Variants in KDELR1 observed in about 807,000 individuals in gnomAD.
The protein encoded by KDELR1 is ER lumen protein-retaining receptor 1.
A neutral mutation model predicts 25.5 loss-of-function variants in KDELR1; 16 were observed. The ratio of observed to expected loss-of-function variants is 0.63; its 90% CI spans 0.43 to 0.95. KDELR1 has a LOEUF of 0.95. Ranked by LOEUF, KDELR1 falls within the 40% of genes least tolerant of loss-of-function variation. The pLI is 0.00. For synonymous variants in KDELR1, 121 were observed against 115.0 expected, an observed-to-expected ratio of 1.05 and a Z score of -0.33; for missense variants, 159 against 265.2, an observed-to-expected ratio of 0.60 and a Z score of 2.78.
upstream of KDELR1, among the ~76,000 whole-genome samples, chr19:48,391,767 A>G (rs1970557497): frequency 6.6e-6 from 1 of 152,126 alleles, no homozygotes; most frequent in Admixed American, 6.5e-5. Context: ...GTGTCTCTGG[A>G]AGAGACGCAG....
intron 1 of KDELR1, 39 bp from the exon 2 acceptor site, chr19:48,390,563 C>CACAGAGAGAGAG (rs1875949823): frequency 2.0e-6 from 2 of 979,594 alleles, no homozygotes; most frequent in Non-Finnish European, 1.5e-6. Flanking sequence ...GAGAGAGAGA[C>CACAGAGAGAGAG]AGAGAGAGAG....
At chr19:48,390,989 C>G (rs1260387202) in intron 1 of KDELR1, 1 of 522,894 alleles carries the variant, frequency 1.9e-6, no homozygotes, top group Non-Finnish European at 3.4e-6. Context: ...TGCCATGGTT[C>G]CCTGTTCCCG....
intron 1 of KDELR1, 130 bp from the exon 2 acceptor site, chr19:48,390,654 G>A: frequency 1.5e-6 from 1 of 665,920 alleles, no homozygotes; most frequent in Non-Finnish European, 2.6e-6. Context: ...ACTAAGGCAG[G>A]GCGCCCGGGA....
In KDELR1 at chr19:48,391,257, G is replaced by C. The variant is rs1205538523; in HGVS notation, c.91+11C>G. On this transcript the variant is annotated intron_variant, in intron 1 of 4. Coordinates refer to ENST00000330720, the MANE Select transcript of KDELR1 (RefSeq NM_006801.3). ...ATCTCTCTCCTTCGCCAGCCCTGGTGGGCCTCTCACCGGCGCACGAGCGGG... is the reference window on the plus strand; with the variant it reads ...ATCTCTCTCCTTCGCCAGCCCTGGTCGGCCTCTCACCGGCGCACGAGCGGG... 2 of 1,551,778 alleles carry C rather than the reference G, an allele frequency of 1.3e-6. No homozygotes were observed. The highest frequency in any genetic ancestry group is 2.7e-5 in the African/African-American group (2 of 73,118).
chr19:48,386,521 C>T lies in KDELR1; in HGVS notation c.352-2039G>A, dbSNP rs986482078. On this transcript the variant is annotated intron_variant, in intron 3 of 4. Transcript: ENST00000330720. ...GGAGTACAGTAGCACGATCTCAGCT[C>T]ACTGCAACCTCTGCTGCCCGGGTTC... Among the ~76,000 whole-genome samples, 9 of 150,198 alleles carry T rather than the reference C, an allele frequency of 6.0e-5. No individual in the cohort carries two copies. The East Asian group carries it at 1.6e-3, about 26-fold the overall frequency.
rs192030448 is a variant in KDELR1 at position 48,382,728 on chromosome 19, C to G, written c.*565G>C. On this transcript the variant is annotated 3_prime_UTR_variant, in exon 5 of 5. Coordinates refer to ENST00000330720, the MANE Select transcript of KDELR1 (RefSeq NM_006801.3). The stretch of plus-strand genomic sequence containing the variant: ...ATTTGCCAAAAAACCAGGAGAAGAC[C>G]AAAAAATTCAAACTCTGGGGAAAAA... The G allele has an allele frequency of 2.2e-3, 344 of 153,088 alleles. 1 individual carries two copies. The highest frequency in any genetic ancestry group is 8.0e-3 in the South Asian group (39 of 4,852). The allele number at this position is 153,088 out of a possible 1,614,324, so 9.5% of individuals were successfully genotyped here.
chr19:48,394,724 G>C (rs1970615556), upstream of KDELR1, among the ~76,000 whole-genome samples: 2 of 152,308 alleles, frequency 1.3e-5, no homozygotes, highest in Non-Finnish European at 1.5e-5. The surrounding 1 kb of genome is among the most constrained non-coding windows in gnomAD (Gnocchi z 5.1). Flanking sequence ...AGACAGGGCA[G>C]GACAGGACCA....
chr19:48,392,694 A>G (rs1029937990), upstream of KDELR1, among the ~76,000 whole-genome samples: 4 of 152,284 alleles, frequency 2.6e-5, no homozygotes, highest in African/African-American at 9.6e-5. Context: ...CAGGAGGCTC[A>G]AGGCCAAAAC....
At chr19:48,386,943 T>C (rs1173791006) in intron 3 of KDELR1, among the ~76,000 whole-genome samples, 2 of 151,598 alleles carry the variant, frequency 1.3e-5, no homozygotes, top group Non-Finnish European at 2.9e-5. Context: ...TGGTGGCTCA[T>C]GCCTGTAATC....
chr19:48,386,732 G>A (rs556327495), intron 3 of KDELR1, among the ~76,000 whole-genome samples: 79 of 152,132 alleles, frequency 5.2e-4, no homozygotes, highest in Admixed American at 1.6e-3. Flanking sequence ...GGATTCAGGC[G>A]TGAGCCACTG....
rs1398429122 is a variant in KDELR1 at position 48,383,255 on chromosome 19, C to T, written c.*38G>A. The stretch of plus-strand genomic sequence containing the variant: ...CATCTTCTGCCGCCTTCCTCTGCCT[C>T]CCGCTGCTGCCGAGGAGAGAGATGG... On this transcript the variant is annotated 3_prime_UTR_variant, in exon 5 of 5. Transcript: ENST00000330720. 1 of 1,549,926 alleles carries T rather than the reference C, an allele frequency of 6.5e-7. No individual in the cohort carries two copies. Among genetic ancestry groups the T allele is most frequent in the Non-Finnish European group, 8.7e-7 (1 of 1,145,414 alleles).
chr19:48,394,079 G>C (rs1374470560), upstream of KDELR1, among the ~76,000 whole-genome samples: 1 of 152,076 alleles, frequency 6.6e-6, no homozygotes, highest in African/African-American at 2.4e-5. This position sits in a 1 kb window ranked among gnomAD's most constrained non-coding sequence, Gnocchi z 5.1. Context: ...TCCTGCCTGC[G>C]TCCGGCCAGG....
chr19:48,389,315 TG>T (rs1410583850), intron 3 of KDELR1, among the ~76,000 whole-genome samples: 2 of 152,128 alleles, frequency 1.3e-5, no homozygotes, highest in Non-Finnish European at 2.9e-5. Context: ...ATCTGTAAAG[TG>T]GGGCTGCTGA....
chr19:48,385,731 G>A (rs917114898), intron 3 of KDELR1, among the ~76,000 whole-genome samples: 3 of 152,204 alleles, frequency 2.0e-5, no homozygotes, highest in African/African-American at 7.2e-5. Context: ...TTTGTGGAAG[G>A]AAGGTGGGGG....
chr19:48,393,166 C>T (rs376649231), upstream of KDELR1, among the ~76,000 whole-genome samples: 81 of 151,220 alleles, frequency 5.4e-4, no homozygotes, highest in African/African-American at 1.7e-3. This position sits in a 1 kb window ranked among gnomAD's most constrained non-coding sequence, Gnocchi z 5.6. Context: ...AAAGAGACTC[C>T]GACTTGGAGG....
rs1040293284 is a variant in KDELR1, at chr19:48,382,913, G to T, written c.*380C>A. On this transcript the variant is annotated 3_prime_UTR_variant, in exon 5 of 5. Coordinates refer to ENST00000330720, the MANE Select transcript of KDELR1 (RefSeq NM_006801.3). Reference sequence around the variant, plus strand: ...TGTTTGGCAACCAGTGGGGCTGGGGGTGGGATCTGGGAGGGAGCCGAGGGG... The same window carrying T: ...TGTTTGGCAACCAGTGGGGCTGGGGTTGGGATCTGGGAGGGAGCCGAGGGG... 3 of 202,028 alleles carry T rather than the reference G, an allele frequency of 1.5e-5. No homozygotes were observed. The highest frequency in any genetic ancestry group is 1.4e-4 in the East Asian group (1 of 7,294). 12.5% of individuals were successfully genotyped at this position (202,028 alleles called of 1,614,324 possible). A position where few individuals can be genotyped will look rare whatever the true frequency, so the allele number is the denominator to read the frequency against.
chr19:48,385,367 C>T (rs1347317675), intron 3 of KDELR1, among the ~76,000 whole-genome samples: 1 of 152,234 alleles, frequency 6.6e-6, no homozygotes, highest in East Asian at 1.9e-4. Context: ...CCCATCTTAT[C>T]TCCTTCCTGG....
At chr19:48,394,195 C>CTGTG (rs1032192539), upstream of KDELR1, among the ~76,000 whole-genome samples, 2 of 148,792 alleles carry the variant, frequency 1.3e-5, no homozygotes, top group Admixed American at 6.6e-5. This position sits in a 1 kb window ranked among gnomAD's most constrained non-coding sequence, Gnocchi z 5.1. Context: ...GTGTGTGTGT[C>CTGTG]TGTGTGTGTG....
At chr19:48,390,777 G>A (rs1970542132) in intron 1 of KDELR1, 1 of 507,388 alleles carries the variant, frequency 2.0e-6, no homozygotes, top group Admixed American at 3.4e-5. Context: ...CCAGGCCCCC[G>A]AAGCTACTCC....
Sources: gnomAD v4.1 joint callset for allele counts (sites outside exome capture counted in the v4.1 genomes callset) on GRCh38, gnomAD v4.1.1 for gene constraint, Gnocchi (gnomAD v3.1) non-coding constraint, MANE v1.5 for transcripts, NCBI Gene and HGNC (gene_info 2026-07-23, HGNC 2026-07-21) for gene names.